DACH2: variants seen among roughly 807,000 people sequenced by gnomAD.
DACH2 encodes dachshund homolog 2.
In DACH2, 17 loss-of-function variants were observed where a neutral mutation model predicts 35.8. The observed-to-expected ratio is 0.48, with a 90% CI of 0.33 to 0.71. The LOEUF (loss-of-function observed/expected upper bound fraction) is 0.71. Among genes scored for constraint, DACH2 ranks in the 30% least tolerant of loss-of-function variants. DACH2 has a pLI of 0.02. For missense variants in DACH2, 469 were observed against 472.7 expected, an observed-to-expected ratio of 0.99 and a Z score of 0.07; for synonymous variants, 195 against 177.3, an observed-to-expected ratio of 1.10 and a Z score of -0.79.
intron 3 of DACH2, among the ~76,000 whole-genome samples, chrX:86,587,822 GC>G (rs1569447464): frequency 9.0e-6 from 1 of 111,500 alleles, no homozygotes; most frequent in Non-Finnish European, 1.9e-5. Context: ...CTGTGCATTG[GC>G]TGTTTACTTT....
At chrX:86,464,945 T>C (rs2037640191) in intron 2 of DACH2, among the ~76,000 whole-genome samples, 3 of 111,965 alleles carry the variant, frequency 2.7e-5, no homozygotes, top group African/African-American at 9.7e-5. Flanking sequence ...CAAAACTAAA[T>C]AATGTTAGAA....
At chrX:86,182,094 C>T (rs928218181) in intron 1 of DACH2, among the ~76,000 whole-genome samples, 8 of 111,683 alleles carry the variant, frequency 7.2e-5, no homozygotes, top group Non-Finnish European at 1.5e-4. Flanking sequence ...AGCTCTTTGT[C>T]AGATGGACAG....
At chrX:86,165,444 C>T (rs986184115) in intron 1 of DACH2, among the ~76,000 whole-genome samples, 3 of 111,319 alleles carry the variant, frequency 2.7e-5, no homozygotes, top group African/African-American at 9.8e-5. Flanking sequence ...ACATTTCCGC[C>T]AACAATGTAC....
At chrX:86,512,839 CAGAA>C in intron 2 of DACH2, 1 of 318,000 alleles carries the variant, frequency 3.1e-6, no homozygotes, top group South Asian at 2.8e-5. Flanking sequence ...TTAAAAGAGT[CAGAA>C]AGCCATAAAA....
chrX:86,587,715 T>C (rs2039592480), intron 3 of DACH2, among the ~76,000 whole-genome samples: 2 of 111,796 alleles, frequency 1.8e-5, no homozygotes, highest in Non-Finnish European at 1.9e-5. Flanking sequence ...CCTTTGCCCA[T>C]TTATAAATGT....
At chrX:86,704,799 G>T (rs973283478) in intron 5 of DACH2, among the ~76,000 whole-genome samples, 2 of 110,763 alleles carry the variant, frequency 1.8e-5, no homozygotes, top group African/African-American at 6.6e-5. Context: ...ACTGCTGGTG[G>T]GAATGTAAAC....
chrX:86,441,224 C>G (rs1220294559), intron 2 of DACH2, among the ~76,000 whole-genome samples: 1 of 110,993 alleles, frequency 9.0e-6, no homozygotes, highest in Admixed American at 9.7e-5. Context: ...TTCTATCTAA[C>G]TATATTGTTA....
At chrX:86,693,486 G>A (rs767028737) in intron 4 of DACH2, among the ~76,000 whole-genome samples, 5 of 112,037 alleles carry the variant, frequency 4.5e-5, no homozygotes, top group East Asian at 5.7e-4. Context: ...ATACTGAAGA[G>A]GAGGACTGGA....
At position 86,695,142 on chromosome X, in the gene DACH2, C is replaced by A. The variant is rs1427152412; in HGVS notation, c.894C>A (p.Thr298=). The A allele has an allele frequency of 9.0e-7, 1 of 1,106,767 alleles. No homozygotes were observed. Among genetic ancestry groups the A allele is most frequent in the South Asian group, 2.6e-5 (1 of 39,213 alleles). The allele number at this position is 1,106,767 out of a possible 1,213,427, so 91.2% of individuals were successfully genotyped here. Reference sequence around the variant, plus strand: ...AGCCAGGCATTGGGGGTGCTCCAACCCTCAATCCACTGCAGCAGAACCACC... The same window carrying A: ...AGCCAGGCATTGGGGGTGCTCCAACACTCAATCCACTGCAGCAGAACCACC... ...AGQPGIGGAP[T]LNPLQQNHLL... The change falls in exon 5 of 12, where the codon ACC becomes ACA. Residue 298 remains threonine, a synonymous_variant. Coordinates refer to ENST00000373125, the MANE Select transcript of DACH2 (RefSeq NM_053281.3).
intron 2 of DACH2, among the ~76,000 whole-genome samples, chrX:86,470,282 T>A (rs2037742363): frequency 8.9e-6 from 1 of 112,008 alleles, no homozygotes. Context: ...ATAGCTATAT[T>A]TTGATTGACA....
intron 3 of DACH2, among the ~76,000 whole-genome samples, chrX:86,554,630 C>T (rs2039092980): frequency 9.0e-6 from 1 of 111,722 alleles, no homozygotes; most frequent in African/African-American, 3.2e-5. Flanking sequence ...TCTTCTGACT[C>T]TGTTACGGCA....
chrX:86,664,145 T>C (rs1482057897), intron 4 of DACH2, among the ~76,000 whole-genome samples: 1 of 112,066 alleles, frequency 8.9e-6, no homozygotes, highest in Non-Finnish European at 1.9e-5. Flanking sequence ...GAAACATCAA[T>C]GGAACATCAA....
intron 4 of DACH2, among the ~76,000 whole-genome samples, chrX:86,686,613 G>A: frequency 9.0e-6 from 1 of 111,611 alleles, no homozygotes; most frequent in East Asian, 2.8e-4. Flanking sequence ...TTAAAAATTT[G>A]GGGGTTTCAT....
At chrX:86,638,523 A>T (rs890217239) in intron 3 of DACH2, among the ~76,000 whole-genome samples, 7 of 111,497 alleles carry the variant, frequency 6.3e-5, no homozygotes, top group Non-Finnish European at 1.3e-4. Flanking sequence ...CAGGGGATTG[A>T]TAGTCATAAT....
At chrX:86,588,795 G>A (rs2039607474) in intron 3 of DACH2, among the ~76,000 whole-genome samples, 1 of 110,912 alleles carries the variant, frequency 9.0e-6, no homozygotes, top group Non-Finnish European at 1.9e-5. Flanking sequence ...GTATTGAATT[G>A]TTTTGTCAGC....
At chrX:86,320,895 TG>T (rs2035003434) in intron 1 of DACH2, among the ~76,000 whole-genome samples, 2 of 111,744 alleles carry the variant, frequency 1.8e-5, no homozygotes, top group African/African-American at 3.3e-5. Flanking sequence ...GATTCCCAAG[TG>T]GGGGAGGGGG....
intron 2 of DACH2, among the ~76,000 whole-genome samples, chrX:86,406,425 A>C (rs2036528765): frequency 8.9e-6 from 1 of 111,980 alleles, no homozygotes; most frequent in Non-Finnish European, 1.9e-5. Context: ...CTACCTCTTG[A>C]GTACTATGTC....
chrX:86,175,938 G>C (rs2031287298), intron 1 of DACH2, among the ~76,000 whole-genome samples: 2 of 111,467 alleles, frequency 1.8e-5, no homozygotes, highest in African/African-American at 6.5e-5. Context: ...AAAAACTTTA[G>C]TATGATTGCC....
At chrX:86,773,484 G>C (rs1235882245) in intron 7 of DACH2, among the ~76,000 whole-genome samples, 1 of 111,484 alleles carries the variant, frequency 9.0e-6, no homozygotes, top group African/African-American at 3.2e-5. Flanking sequence ...TCTGATTTTG[G>C]CTAAGTATAT....
Sources: allele counts gnomAD v4.1 joint callset (sites outside exome capture counted in the v4.1 genomes callset), GRCh38; gene constraint gnomAD v4.1.1; transcripts MANE v1.5; gene names NCBI Gene and HGNC (gene_info 2026-07-23, HGNC 2026-07-21).